Variants in SMAD9 observed in about 807,000 individuals in gnomAD.
SMAD9 encodes the protein SMAD family member 9, also known as MAD homolog 9.
A neutral mutation model predicts 46.1 loss-of-function variants in SMAD9; 36 were observed. That is an observed-to-expected ratio of 0.78 (90% CI 0.60 to 1.03). SMAD9 has a LOEUF of 1.03. Among genes scored for constraint, SMAD9 ranks in the 50% least tolerant of loss-of-function variants. SMAD9 has a pLI of 0.00. For synonymous variants in SMAD9, 245 were observed against 237.1 expected (o/e 1.03, Z -0.31); for missense variants, 572 against 599.8 (o/e 0.95, Z 0.48).
At position 36,872,701 on chromosome 13, in the gene SMAD9, G is replaced by A; in HGVS notation, c.627C>T (p.Ser209=). 1 of 1,614,022 alleles carries A rather than the reference G, an allele frequency of 6.2e-7. No homozygotes were observed. The highest frequency in any genetic ancestry group is 8.5e-7 in the Non-Finnish European group (1 of 1,180,000). ...QSPCTASYPH[S]PGSPSEPESP... Reference sequence around the variant, plus strand: ...TCTCTGGCTCAGAAGGACTTCCTGGGGAGTGAGGGTAGCTGGCCGTGCACG... The same window carrying A: ...TCTCTGGCTCAGAAGGACTTCCTGGAGAGTGAGGGTAGCTGGCCGTGCACG... The change falls in exon 3 of 7, where the codon TCC becomes TCT. Residue 209 remains serine, a synonymous_variant. Coordinates refer to ENST00000379826, the MANE Select transcript of SMAD9 (RefSeq NM_001127217.3).
At chr13:36,882,227 C>CTGTGTG (rs61006734) in intron 1 of SMAD9, among the ~76,000 whole-genome samples, 4,738 of 149,386 alleles carry the variant, frequency 0.032, 107 homozygotes, top group Admixed American at 0.065. Context: ...CAGGTATGTG[C>CTGTGTG]TGTGTGTGTG....
chr13:36,877,646 T>C (rs186743010), intron 2 of SMAD9, among the ~76,000 whole-genome samples: 13 of 151,292 alleles, frequency 8.6e-5, no homozygotes, highest in Admixed American at 7.3e-4. Flanking sequence ...GCGAAAAGAG[T>C]CAAAATGAAC....
At chr13:36,920,315 C>CCCGCCCCCGCCCCCGCCCGCCG (rs1432318058), upstream of SMAD9, 995 of 149,758 alleles carry the variant, frequency 6.6e-3, 4 homozygotes, top group Middle Eastern at 0.027. Flanking sequence ...GCGGCCCGCC[C>CCCGCCCCCGCCCCCGCCCGCCG]CCGCCCGCCG....
intron 5 of SMAD9, among the ~76,000 whole-genome samples, chr13:36,857,786 G>C (rs1566014954): frequency 6.6e-6 from 1 of 152,106 alleles, no homozygotes. Context: ...AAAAGGCAGA[G>C]TGTCCTGCAC....
intron 1 of SMAD9, among the ~76,000 whole-genome samples, chr13:36,906,194 A>C (rs1489493391): frequency 1.3e-5 from 2 of 152,150 alleles, no homozygotes; most frequent in Non-Finnish European, 2.9e-5. Flanking sequence ...CTGGACTGTT[A>C]TCTCTTATGC....
intron 1 of SMAD9, among the ~76,000 whole-genome samples, chr13:36,904,202 A>G (rs2058600432): frequency 6.6e-6 from 1 of 152,178 alleles, no homozygotes; most frequent in African/African-American, 2.4e-5. Flanking sequence ...CAGAGGATGC[A>G]AGTGTACCTC....
chr13:36,893,425 T>G (rs964313479), intron 1 of SMAD9, among the ~76,000 whole-genome samples: 1 of 132,482 alleles, frequency 7.5e-6, no homozygotes, highest in Non-Finnish European at 1.5e-5. Context: ...CAGATATATA[T>G]ATAAATATAA....
chr13:36,886,081 A>C (rs1233683919), intron 1 of SMAD9, among the ~76,000 whole-genome samples: 1 of 152,172 alleles, frequency 6.6e-6, no homozygotes. Flanking sequence ...CCTTAAGTAC[A>C]TTTACTCACC....
chr13:36,916,739 G>A (rs2058701259), intron 1 of SMAD9, among the ~76,000 whole-genome samples: 1 of 151,744 alleles, frequency 6.6e-6, no homozygotes, highest in Admixed American at 6.6e-5. Context: ...GGTAAGAGTT[G>A]AAAAGGCGAA....
intron 1 of SMAD9, among the ~76,000 whole-genome samples, chr13:36,913,705 G>T (rs2058678060): frequency 6.6e-6 from 1 of 152,140 alleles, no homozygotes; most frequent in South Asian, 2.1e-4. Context: ...AAGCATTCAT[G>T]TCCATAAATG....
chr13:36,878,772 A>G (rs998731710), intron 2 of SMAD9, among the ~76,000 whole-genome samples: 1 of 152,072 alleles, frequency 6.6e-6, no homozygotes, highest in Admixed American at 6.6e-5. Context: ...TTTACAGCTC[A>G]TCATTATCAA....
rs1382800676 is a variant in SMAD9 at position 36,865,659 on chromosome 13, C to T, written c.881G>A (p.Arg294Gln). The change falls in exon 5 of 7, where the codon CGA becomes CAA. Residue 294 changes from arginine (R) to glutamine (Q), a missense_variant. Physicochemically the swap from Arg to Gln is conservative, Grantham distance 43 (BLOSUM62 1). Coordinates refer to ENST00000379826, the MANE Select transcript of SMAD9 (RefSeq NM_001127217.3). Reference protein sequence around the residue: ...RVGETFQASSRSVLIDGFTDP... With the variant: ...RVGETFQASSQSVLIDGFTDP... ...GGTGAACCCATCTATGAGCACACTT[C>T]GGGAGGAAGCCTGGAATGTCTCCCC... 9 of 1,614,126 alleles carry T rather than the reference C, an allele frequency of 5.6e-6. No homozygotes were observed. Among genetic ancestry groups the T allele is most frequent in the Non-Finnish European group, 7.6e-6 (9 of 1,179,996 alleles).
chr13:36,879,886 C>T lies in SMAD9; in HGVS notation c.-186-11G>A, dbSNP rs964499680. ...ACAGGGTGGCCAACTCTGGAAAACA[C>T]GACAAGACTTCAATTAGCTTAATCG... On this transcript the variant is annotated splice_polypyrimidine_tract_variant and intron_variant, in intron 1 of 6. Transcript: ENST00000379826. The T allele has an allele frequency of 1.2e-5, 7 of 603,536 alleles. No homozygotes were observed. Among genetic ancestry groups the T allele is most frequent in the South Asian group, 2.0e-5 (1 of 50,516 alleles). The allele number at this position is 603,536 out of a possible 1,614,324, so 37.4% of individuals were successfully genotyped here. A position where few individuals can be genotyped will look rare whatever the true frequency, so the allele number is the denominator to read the frequency against.
intron 1 of SMAD9, among the ~76,000 whole-genome samples, chr13:36,902,234 A>G (rs1411842186): frequency 1.3e-5 from 2 of 152,182 alleles, no homozygotes; most frequent in African/African-American, 4.8e-5. Context: ...TGTTGAAGAC[A>G]TTGTTCTCCA....
At chr13:36,911,316 T>C (rs1443620523) in intron 1 of SMAD9, among the ~76,000 whole-genome samples, 1 of 152,148 alleles carries the variant, frequency 6.6e-6, no homozygotes, top group Non-Finnish European at 1.5e-5. Flanking sequence ...GGCCAACTAT[T>C]GTATCATTAA....
At chr13:36,874,854 C>CAAAA (rs529721275) in intron 2 of SMAD9, among the ~76,000 whole-genome samples, 23 of 66,046 alleles carry the variant, frequency 3.5e-4, no homozygotes, top group South Asian at 6.6e-4. Flanking sequence ...GACTCCGTCC[C>CAAAA]AAAAAAAAAA....
chr13:36,875,741 T>C (rs1353734717), intron 2 of SMAD9, among the ~76,000 whole-genome samples: 1 of 152,220 alleles, frequency 6.6e-6, no homozygotes, highest in Non-Finnish European at 1.5e-5. Flanking sequence ...TCAGTTTTAA[T>C]GTAAAATATC....
Position 36,879,507 on chromosome 13 carries a change from G to A in SMAD9, c.183C>T (p.Cys61=), listed in dbSNP as rs1322091244. The A allele has an allele frequency of 1.2e-6, 2 of 1,614,112 alleles. No individual in the cohort carries two copies. The highest frequency in any genetic ancestry group is 1.3e-5 in the African/African-American group (1 of 75,066). Residue 61 remains cysteine (C), a synonymous_variant, in exon 2 of 7, where the codon TGC becomes TGT. Transcript: ENST00000379826. ...TGACGCATTTGCTGGGCTGCCCCGG[G>A]CAGCTGAGAGCCCTCTCCAGCTCGT... ...AMDELERALS[C]PGQPSKCVTI... is the part of the protein sequence containing the mutation.
chr13:36,884,184 A>C (rs2058426518), intron 1 of SMAD9, among the ~76,000 whole-genome samples: 1 of 152,242 alleles, frequency 6.6e-6, no homozygotes. Flanking sequence ...ATCATCTACC[A>C]ACATGAACCA....
Sources: gnomAD v4.1 joint callset for allele counts (sites outside exome capture counted in the v4.1 genomes callset) on GRCh38, gnomAD v4.1.1 for gene constraint, MANE v1.5 for transcripts, NCBI Gene and HGNC (gene_info 2026-07-23, HGNC 2026-07-21) for gene names.